PLEKHG1: variants seen among roughly 807,000 people sequenced by gnomAD.
The protein encoded by PLEKHG1 is pleckstrin homology domain-containing family G member 1.
Under a neutral mutation model 100.8 loss-of-function variants are expected in PLEKHG1, and 44 were observed. That is an observed-to-expected ratio of 0.44 (90% CI 0.34 to 0.56). PLEKHG1 has a LOEUF of 0.56. Among genes scored for constraint, PLEKHG1 ranks in the 20% least tolerant of loss-of-function variants. The pLI is 0.01. For missense variants in PLEKHG1, 1,545 were observed against 1,720.9 expected (o/e 0.90, Z 1.81); for synonymous variants, 640 against 662.5 (o/e 0.97, Z 0.52).
chr6:150,737,633 T>C (rs78893994), intron 2 of PLEKHG1, among the ~76,000 whole-genome samples: 10,125 of 152,208 alleles, frequency 0.067, 458 homozygotes, highest in Admixed American at 0.14. Flanking sequence ...TCCTTTAAAA[T>C]CTGTTTCCTT....
At chr6:150,763,516 G>T (rs7772279) in intron 2 of PLEKHG1, among the ~76,000 whole-genome samples, 55,429 of 152,044 alleles carry the variant, frequency 0.36, 12,409 homozygotes, top group African/African-American at 0.61. Flanking sequence ...CCTGTCTCCT[G>T]TCACCACAAA....
intron 2 of PLEKHG1, among the ~76,000 whole-genome samples, chr6:150,748,909 G>C (rs1783334392): frequency 6.6e-6 from 1 of 152,154 alleles, no homozygotes; most frequent in South Asian, 2.1e-4. Context: ...TTACAGGCGT[G>C]AGCCACTGCA....
chr6:150,600,563 C>T lies in PLEKHG1; in HGVS notation c.-204+546C>T, dbSNP rs1299778993. ...GCGGCGGCCGAGCTGCTGCGGCGCT[C>T]AGGGCTTGGGGGCGCCCCCGTTCTG... On this transcript the variant is annotated intron_variant, in intron 1 of 3. Coordinates refer to the PLEKHG1 transcript ENST00000367326. This position sits in a 1 kb window ranked among gnomAD's most constrained non-coding sequence, Gnocchi z 6.2. Among the ~76,000 whole-genome samples the T allele has an allele frequency of 6.6e-6, 1 of 152,080 alleles. No homozygotes were observed. Among genetic ancestry groups the T allele is most frequent in the Admixed American group, 6.5e-5 (1 of 15,274 alleles).
At chr6:150,764,119 T>TTC (rs1554269625) in intron 2 of PLEKHG1, among the ~76,000 whole-genome samples, 27 of 150,488 alleles carry the variant, frequency 1.8e-4, no homozygotes, top group African/African-American at 6.2e-4. Flanking sequence ...TTCTTTTTCT[T>TTC]TTTCTTTTTT....
exon 5 of PLEKHG1, chr6:150,795,882 G>A (rs1300265862): frequency 1.9e-6 from 3 of 1,605,308 alleles, no homozygotes; most frequent in South Asian, 1.1e-5. Flanking sequence ...TTTATACCCA[G>A]TATTGCACTA....
rs565785041 is a variant in PLEKHG1, at chr6:150,655,913, C to T, written c.-99+5127C>T. On this transcript the variant is annotated intron_variant, in intron 3 of 3. Transcript: ENST00000367326. ...GTTGAACAATGAGAACACATGGACA[C>T]AGGGAGGGGAACATCACACACCAGG... 1.2e-4 allele frequency among the ~76,000 whole-genome samples: 18 copies of T among 151,746 alleles called. 2 individuals are homozygous for T. The South Asian group carries it at 2.7e-3, about 23-fold the overall frequency.
At chr6:150,619,903 A>G (rs529532135) in intron 1 of PLEKHG1, among the ~76,000 whole-genome samples, 159 of 152,276 alleles carry the variant, frequency 1.0e-3, no homozygotes, top group Middle Eastern at 3.4e-3. Context: ...CAGCCCATTT[A>G]CTGCTTGACT....
intron 4 of PLEKHG1, among the ~76,000 whole-genome samples, chr6:150,794,556 A>T (rs1007077010): frequency 1.3e-5 from 2 of 152,090 alleles, no homozygotes; most frequent in Non-Finnish European, 2.9e-5. Context: ...AGTCCCAGCT[A>T]CTCAGGAGGC....
upstream of PLEKHG1, among the ~76,000 whole-genome samples, chr6:150,717,681 G>C (rs964579752): frequency 1.3e-5 from 2 of 152,212 alleles, no homozygotes. Context: ...TGTGTAACCC[G>C]TGCTTGCAGG....
At chr6:150,766,877 C>T (rs961773184) in intron 2 of PLEKHG1, among the ~76,000 whole-genome samples, 5 of 152,210 alleles carry the variant, frequency 3.3e-5, no homozygotes, top group Admixed American at 6.5e-5. Context: ...ACTGCAGAGC[C>T]TCTGAATTCA....
intron 1 of PLEKHG1, among the ~76,000 whole-genome samples, chr6:150,628,264 C>A: frequency 6.6e-6 from 1 of 152,100 alleles, no homozygotes; most frequent in East Asian, 1.9e-4. Context: ...TTATATGTTT[C>A]TGGTTGTTTT....
At chr6:150,681,512 AAAAG>A (rs200263627) in intron 3 of PLEKHG1, among the ~76,000 whole-genome samples, 1,894 of 152,150 alleles carry the variant, frequency 0.012, 22 homozygotes, top group Middle Eastern at 0.02. Flanking sequence ...CAAAAAAAAA[AAAAG>A]AAAGGATAAT....
chr6:150,739,918 C>T (rs1782763343), intron 2 of PLEKHG1, among the ~76,000 whole-genome samples: 1 of 152,174 alleles, frequency 6.6e-6, no homozygotes, highest in African/African-American at 2.4e-5. Context: ...GTTTTTCACA[C>T]ACTTAGTGCC....
intron 1 of PLEKHG1, among the ~76,000 whole-genome samples, chr6:150,607,194 A>T (rs1776636710): frequency 6.6e-6 from 1 of 152,160 alleles, no homozygotes; most frequent in Non-Finnish European, 1.5e-5. Flanking sequence ...GTCCAGCCTT[A>T]GCCAGGATGA....
chr6:150,640,065 C>G (rs147219465), intron 2 of PLEKHG1, among the ~76,000 whole-genome samples: 3 of 152,260 alleles, frequency 2.0e-5, no homozygotes, highest in African/African-American at 7.2e-5. Context: ...CCAAATCTTT[C>G]GATTCCAAAG....
intron 6 of PLEKHG1, among the ~76,000 whole-genome samples, chr6:150,801,385 G>A (rs1786688461): frequency 6.6e-6 from 1 of 151,308 alleles, no homozygotes. Context: ...ATGCAAGAAG[G>A]CTTTAGAAAC....
intron 2 of PLEKHG1, among the ~76,000 whole-genome samples, chr6:150,735,085 C>CA (rs772424180): frequency 1.9e-4 from 28 of 146,090 alleles, no homozygotes; most frequent in Non-Finnish European, 3.6e-4. Flanking sequence ...CTCCCGGGTT[C>CA]AAGCAATTCT....
intron 1 of PLEKHG1, among the ~76,000 whole-genome samples, chr6:150,633,806 G>A (rs938002159): frequency 6.6e-6 from 1 of 152,162 alleles, no homozygotes; most frequent in Non-Finnish European, 1.5e-5. Flanking sequence ...ATCCTCCGTG[G>A]AGGCTGAGAG....
chr6:150,613,779 T>C (rs963890551), intron 1 of PLEKHG1, among the ~76,000 whole-genome samples: 1 of 152,226 alleles, frequency 6.6e-6, no homozygotes, highest in African/African-American at 2.4e-5. Flanking sequence ...TCCTTCTTAC[T>C]GTGCCTTATT....
Sources: gnomAD v4.1 joint callset for allele counts (sites outside exome capture counted in the v4.1 genomes callset) on GRCh38, gnomAD v4.1.1 for gene constraint, Gnocchi (gnomAD v3.1) non-coding constraint, MANE v1.5 for transcripts, NCBI Gene and HGNC (gene_info 2026-07-23, HGNC 2026-07-21) for gene names.